AS3MT: variants seen among roughly 807,000 people sequenced by gnomAD.
AS3MT encodes arsenite methyltransferase.
A neutral mutation model predicts 45.3 loss-of-function variants in AS3MT; 47 were observed. That is an observed-to-expected ratio of 1.04 (90% confidence interval 0.82 to 1.32). The LOEUF (loss-of-function observed/expected upper bound fraction) is 1.32. Ranked by LOEUF, AS3MT falls within the 40% of genes most tolerant of loss-of-function variation. AS3MT has a pLI of 0.00. For missense variants in AS3MT, 396 were observed against 451.1 expected (o/e 0.88, Z 1.11); for synonymous variants, 141 against 152.8 (o/e 0.92, Z 0.57).
intron 10 of AS3MT, among the ~76,000 whole-genome samples, chr10:102,894,758 C>T (rs1845136985): frequency 6.6e-6 from 1 of 152,218 alleles, no homozygotes; most frequent in Admixed American, 6.5e-5. Context: ...TCCACAATCT[C>T]TTATCATAAC....
chr10:102,872,392 A>G (rs961388465), intron 3 of AS3MT, 56 bp from the exon 4 acceptor site: 11 of 1,571,954 alleles, frequency 7.0e-6, no homozygotes, highest in Admixed American at 1.7e-5. Context: ...TATAAGATTT[A>G]GTGGTTTCAT....
At chr10:102,899,690 T>C (rs1159859020) in intron 10 of AS3MT, among the ~76,000 whole-genome samples, 1 of 149,178 alleles carries the variant, frequency 6.7e-6, no homozygotes. Context: ...TTTTTTGAGA[T>C]GGAGTCTCGC....
intron 7 of AS3MT, 151 bp downstream of exon 7, chr10:102,877,186 A>G: frequency 1.4e-6 from 1 of 693,296 alleles, no homozygotes. Context: ...TTCAAAAGTG[A>G]TAGGGCTTTG....
chr10:102,872,922 G>A (rs1454328623), intron 4 of AS3MT, among the ~76,000 whole-genome samples, 175 bp from the exon 5 acceptor site: 1 of 152,114 alleles, frequency 6.6e-6, no homozygotes, highest in Non-Finnish European at 1.5e-5. Flanking sequence ...AAACTGCACG[G>A]GCAGCAGGGA....
chr10:102,888,878 TATA>T (rs1186556297), intron 9 of AS3MT, among the ~76,000 whole-genome samples: 4,039 of 34,890 alleles, frequency 0.12, 164 homozygotes, highest in Non-Finnish European at 0.18. Flanking sequence ...TATATATATA[TATA>T]TTTTTTTTTT....
Position 102,870,297 on chromosome 10 carries a change from C to T in AS3MT, c.170+86C>T. 5.3e-6 allele frequency: 8 copies of T among 1,503,770 alleles called. No homozygotes were observed. The South Asian group carries it at 5.9e-5, about 11-fold the overall frequency. 93.2% of individuals were successfully genotyped at this position (1,503,770 alleles called of 1,614,324 possible). On this transcript the variant is annotated intron_variant, in intron 3 of 10. Transcript: ENST00000369880. ...GATGCAGGTCACTAGGGAATTAACC[C>T]GTAGCCACCAACCCATCAGCTTGCC...
chr10:102,885,553 G>A lies in AS3MT; in HGVS notation c.886-4991G>A, dbSNP rs534481504. Among the ~76,000 whole-genome samples the A allele has an allele frequency of 2.9e-3, 108 of 37,730 alleles. 10 individuals are homozygous for A. The highest frequency in any genetic ancestry group is 4.1e-3 in the Non-Finnish European group (90 of 22,000). 24.8% of individuals were successfully genotyped at this position (37,730 alleles called of 152,430 possible). A position where few individuals can be genotyped will look rare whatever the true frequency, so the allele number is the denominator to read the frequency against. Reference sequence around the variant, plus strand: ...TTTTTTTTTTTTTTTTTTTTGAGACGGAGTCTCGCTCTGTCGCCCAGGCTG... The same window carrying A: ...TTTTTTTTTTTTTTTTTTTTGAGACAGAGTCTCGCTCTGTCGCCCAGGCTG... On this transcript the variant is annotated intron_variant, in intron 9 of 10. Coordinates refer to ENST00000369880, the MANE Select transcript of AS3MT (RefSeq NM_020682.4).
chr10:102,890,679 G>T lies in AS3MT; in HGVS notation c.1020+1G>T, dbSNP rs1243712429. ...AGGCTGTTCTGCTTTGGAGTTAAAGGTTAGTTTGGCTTTCACTACCTGAGA... is the reference window on the plus strand; with the variant it reads ...AGGCTGTTCTGCTTTGGAGTTAAAGTTTAGTTTGGCTTTCACTACCTGAGA... On this transcript the variant is annotated splice_donor_variant, in intron 10 of 10. Transcript: ENST00000369880. LOFTEE classifies it high-confidence loss of function. 6.2e-7 allele frequency: 1 copy of T among 1,604,434 alleles called. No homozygotes were observed. Among genetic ancestry groups the T allele is most frequent in the African/African-American group, 1.3e-5 (1 of 74,222 alleles).
chr10:102,870,386 G>A (rs1844657883), intron 3 of AS3MT, among the ~76,000 whole-genome samples, 175 bp downstream of exon 3: 1 of 152,150 alleles, frequency 6.6e-6, no homozygotes, highest in Non-Finnish European at 1.5e-5. Flanking sequence ...AACCTCCGAT[G>A]AGTCTGGGCG....
At chr10:102,882,337 C>G (rs1844877795) in intron 9 of AS3MT, among the ~76,000 whole-genome samples, 1 of 152,012 alleles carries the variant, frequency 6.6e-6, no homozygotes, top group Non-Finnish European at 1.5e-5. Flanking sequence ...TGTCACTGTG[C>G]CTGGCTTCTT....
intron 1 of AS3MT, 96 bp downstream of exon 1, chr10:102,869,689 C>T: frequency 6.2e-7 from 1 of 1,603,332 alleles, no homozygotes; most frequent in East Asian, 2.2e-5. Flanking sequence ...AGCTGTGTCT[C>T]GAGACCTTTG....
At chr10:102,885,497 T>G (rs1344384202) in intron 9 of AS3MT, among the ~76,000 whole-genome samples, 1 of 606 alleles carries the variant, frequency 1.7e-3, no homozygotes, top group Non-Finnish European at 0.021. Flanking sequence ...CCCAACTAAT[T>G]TTTTTTTTTT....
At chr10:102,874,465 A>G in intron 5 of AS3MT, 127 bp from the exon 6 acceptor site, 1 of 648,118 alleles carries the variant, frequency 1.5e-6, no homozygotes, top group South Asian at 1.8e-5. Flanking sequence ...TTAGAAAGAG[A>G]GGAGGGAGGC....
Position 102,881,722 on chromosome 10 carries a change from C to T in AS3MT, c.885+2731C>T, listed in dbSNP as rs1844868862. Among the ~76,000 whole-genome samples, 1 of 151,988 alleles carries T rather than the reference C, an allele frequency of 6.6e-6. No homozygotes were observed. Among genetic ancestry groups the T allele is most frequent in the South Asian group, 2.1e-4 (1 of 4,822 alleles). On this transcript the variant is annotated intron_variant, in intron 9 of 10. Coordinates refer to ENST00000369880, the MANE Select transcript of AS3MT (RefSeq NM_020682.4). This position sits in a 1 kb window ranked among gnomAD's most constrained non-coding sequence, Gnocchi z 4.2. Reference sequence around the variant, plus strand: ...GTGGAAGAACTTACTATTAATATTTCATTTTTCTGATTTATTTATTTATCT... The same window carrying T: ...GTGGAAGAACTTACTATTAATATTTTATTTTTCTGATTTATTTATTTATCT...
chr10:102,895,390 G>A (rs998130768), intron 10 of AS3MT, among the ~76,000 whole-genome samples: 60 of 151,926 alleles, frequency 3.9e-4, no homozygotes, highest in Admixed American at 3.1e-3. Flanking sequence ...TAGTAGAGGC[G>A]GGGTCTCATC....
chr10:102,869,538 AGTCGCAGGCCGAGGAGACAGTGAGTGCG>A lies in AS3MT; in HGVS notation c.-54_-27del. ...GAGGAGACAGTGAGTGCGCGCCCTG[AGTCGCAGGCCGAGGAGACAGTGAGTGCG>A]CGCCCTGAGTCGCAGGCCGAGGAGA... On this transcript the variant is annotated 5_prime_UTR_variant, in exon 1 of 11. Coordinates refer to ENST00000369880, the MANE Select transcript of AS3MT (RefSeq NM_020682.4). 1.3e-6 allele frequency: 2 copies of A among 1,539,850 alleles called. No homozygotes were observed. Among genetic ancestry groups the A allele is most frequent in the South Asian group, 2.4e-5 (2 of 84,268 alleles).
intron 6 of AS3MT, 40 bp from the exon 7 acceptor site, chr10:102,876,914 C>A: frequency 6.3e-7 from 1 of 1,579,210 alleles, no homozygotes; most frequent in African/African-American, 1.3e-5. Context: ...TCAATGTAAT[C>A]ATTAATCATC....
intron 5 of AS3MT, among the ~76,000 whole-genome samples, chr10:102,873,533 G>A (rs12259506): frequency 0.13 from 19,833 of 152,082 alleles, 1,316 homozygotes; most frequent in Middle Eastern, 0.21. Context: ...TGATCCACCC[G>A]CTTCCACCTC....
intron 10 of AS3MT, among the ~76,000 whole-genome samples, chr10:102,895,740 A>C (rs1044203875): frequency 3.8e-4 from 58 of 152,108 alleles, no homozygotes; most frequent in South Asian, 2.1e-4. Flanking sequence ...ATCTCAAAAA[A>C]ACAAAAACAA....
Sources: gnomAD v4.1 joint callset for allele counts (sites outside exome capture counted in the v4.1 genomes callset) on GRCh38, gnomAD v4.1.1 for gene constraint, Gnocchi (gnomAD v3.1) non-coding constraint, MANE v1.5 for transcripts, NCBI Gene and HGNC (gene_info 2026-07-23, HGNC 2026-07-21) for gene names.